Variants in CCNI observed in about 807,000 individuals in gnomAD.
The protein encoded by CCNI is cyclin I.
A neutral mutation model predicts 34.1 loss-of-function variants in CCNI; 14 were observed. That is an observed-to-expected ratio of 0.41 (90% confidence interval 0.27 to 0.64). The LOEUF (loss-of-function observed/expected upper bound fraction) is 0.64, where lower values mean the gene tolerates loss of function less well. Ranked by LOEUF, CCNI falls within the 30% of genes least tolerant of loss-of-function variation. The probability of loss-of-function intolerance (pLI) is 0.31; values close to 1 mark genes in which losing one functional copy is unlikely to be tolerated. For synonymous variants in CCNI, 154 were observed against 158.4 expected (o/e 0.97, Z 0.21); for missense variants, 385 against 440.5 (o/e 0.87, Z 1.13).
In CCNI at chr4:77,055,931, T is replaced by G. The variant is rs1198378345; in HGVS notation, c.459+31A>C. On this transcript the variant is annotated intron_variant, in intron 5 of 6. Coordinates refer to ENST00000237654, the MANE Select transcript of CCNI (RefSeq NM_006835.3). The stretch of plus-strand genomic sequence containing the variant: ...ATTTACTGAAAACTACACACTCAAA[T>G]AAGAAACTAAAAGACTTCAGGTATA... 4.5e-6 allele frequency: 7 copies of G among 1,559,250 alleles called. No homozygotes were observed. The African/African-American group carries it at 9.6e-5, about 21-fold the overall frequency.
intron 6 of CCNI, among the ~76,000 whole-genome samples, chr4:77,050,342 G>A (rs1302361664): frequency 2.0e-5 from 3 of 151,994 alleles, no homozygotes; most frequent in African/African-American, 7.2e-5. Flanking sequence ...CACTCACCAT[G>A]ACTGTTTGCA....
chr4:77,054,483 C>T (rs1330257734), intron 6 of CCNI, among the ~76,000 whole-genome samples: 2 of 152,184 alleles, frequency 1.3e-5, no homozygotes, highest in African/African-American at 2.4e-5. Context: ...ATGAATAGAA[C>T]CAGTAAGCCT....
chr4:77,061,011 G>A (rs1006320966), intron 2 of CCNI, among the ~76,000 whole-genome samples: 1 of 151,914 alleles, frequency 6.6e-6, no homozygotes, highest in Non-Finnish European at 1.5e-5. Context: ...CTCCCACCTC[G>A]GCCTCCCAAA....
At chr4:77,065,523 T>C (rs1316721209) in intron 2 of CCNI, among the ~76,000 whole-genome samples, 2 of 152,224 alleles carry the variant, frequency 1.3e-5, no homozygotes, top group Non-Finnish European at 2.9e-5. Context: ...CTTCCAACAT[T>C]GGTATTACCT....
In CCNI at chr4:77,055,367, G is replaced by T; in HGVS notation, c.473C>A (p.Ala158Glu). Residue 158 changes from alanine to glutamate, a missense_variant, in exon 6 of 7, where the codon GCA (alanine) becomes GAA (glutamate). This residue lies in a region of CCNI where 135 missense variants were observed against 191.8 expected (regional missense o/e 0.70). Transcript: ENST00000237654. Reference sequence around the variant, plus strand: ...AAGTAACTGAGGCCTAGTTGACACTGCAATGGCATGGAACTGAAAATCACA... The same window carrying T: ...AAGTAACTGAGGCCTAGTTGACACTTCAATGGCATGGAACTGAAAATCACA... ...LDFLHIFHAI[A>E]VSTRPQLLFS... 1 of 1,610,158 alleles carries T rather than the reference G, an allele frequency of 6.2e-7. No homozygotes were observed. Among genetic ancestry groups the T allele is most frequent in the Non-Finnish European group, 8.5e-7 (1 of 1,176,520 alleles).
At chr4:77,052,173 G>A (rs538619556) in intron 6 of CCNI, among the ~76,000 whole-genome samples, 2 of 147,596 alleles carry the variant, frequency 1.4e-5, no homozygotes, top group African/African-American at 5.0e-5. Context: ...TTATGTCCGC[G>A]TGTACCCAAC....
chr4:77,055,063 G>T, intron 6 of CCNI, 87 bp downstream of exon 6: 2 of 820,332 alleles, frequency 2.4e-6, no homozygotes, highest in Non-Finnish European at 3.9e-6. Flanking sequence ...ATTACAACAT[G>T]AGAAATGTCT....
In CCNI at chr4:77,055,262, T is replaced by C; in HGVS notation, c.578A>G (p.Gln193Arg). 1.9e-6 allele frequency: 3 copies of C among 1,614,156 alleles called. No homozygotes were observed. Among genetic ancestry groups the C allele is most frequent in the Non-Finnish European group, 2.5e-6 (3 of 1,179,976 alleles). The change falls in exon 6 of 7, where the codon CAA becomes CGA. Residue 193 changes from glutamine (Q) to arginine (R), a missense_variant. By Grantham distance (43) the Gln-to-Arg change is conservative (BLOSUM62 1). Around this residue, in one of 2 missense-constraint regions of CCNI, gnomAD observed 250 missense variants for 248.7 expected, o/e 1.01. Transcript: ENST00000237654. ...KQLLHCMACN[Q>R]LLQFRGSMLA... ...CATGGATCCTCTGAATTGCAGAAGT[T>C]GGTTGCAGGCCATACAGTGAAGTAG... is the stretch of plus-strand genomic sequence containing the variant.
At chr4:77,058,677 C>T (rs776107169) in intron 2 of CCNI, 42 bp from the exon 3 acceptor site, 18 of 1,579,324 alleles carry the variant, frequency 1.1e-5, no homozygotes, top group Admixed American at 1.7e-5. Context: ...AAAGTTTGAG[C>T]TATCATCAAG....
At chr4:77,072,280 CAAAGAA>C (rs909117340) in intron 1 of CCNI, among the ~76,000 whole-genome samples, 4 of 151,678 alleles carry the variant, frequency 2.6e-5, no homozygotes, top group Admixed American at 6.6e-5. Flanking sequence ...AGAAAGCTAA[CAAAGAA>C]AAAGTAAAAC....
Position 77,047,493 on chromosome 4 carries a change from T to C in CCNI, c.*726A>G, listed in dbSNP as rs1727514367. ...TGTTTCTTTGGTGAGCACCTGGATATATTTATCACAAATTCTTTTATACAA... is the reference window on the plus strand; with the variant it reads ...TGTTTCTTTGGTGAGCACCTGGATACATTTATCACAAATTCTTTTATACAA... On this transcript the variant is annotated 3_prime_UTR_variant, in exon 7 of 7. Coordinates refer to ENST00000237654, the MANE Select transcript of CCNI (RefSeq NM_006835.3). 6.6e-6 allele frequency: 1 copy of C among 152,234 alleles called. No individual in the cohort carries two copies. The highest frequency in any genetic ancestry group is 1.5e-5 in the Non-Finnish European group (1 of 68,034). 9.4% of individuals were successfully genotyped at this position (152,234 alleles called of 1,614,324 possible). A position where few individuals can be genotyped will look rare whatever the true frequency, so the allele number is the denominator to read the frequency against.
At position 77,072,699 on chromosome 4, in the gene CCNI, G is replaced by A. The variant is rs1729580501; in HGVS notation, c.-44+2773C>T. Among the ~76,000 whole-genome samples the A allele has an allele frequency of 1.4e-5, 2 of 145,120 alleles. 1 individual carries two copies. The highest frequency in any genetic ancestry group is 4.4e-4 in the South Asian group (2 of 4,558). On this transcript the variant is annotated intron_variant, in intron 1 of 6. Transcript: ENST00000237654. ...AACTGCAATACCTGACCCTCAACTA[G>A]ATCCTGTACTGGAAGGAGACAAATG...
Position 77,075,614 on chromosome 4 carries a change from G to A in CCNI, c.-186C>T. 3 of 976,190 alleles carry A rather than the reference G, an allele frequency of 3.1e-6. No individual in the cohort carries two copies. The highest frequency in any genetic ancestry group is 3.7e-6 in the Non-Finnish European group (3 of 819,822). 60.5% of individuals were successfully genotyped at this position (976,190 alleles called of 1,614,324 possible). On this transcript the variant is annotated 5_prime_UTR_variant, in exon 1 of 7. Transcript: ENST00000237654. ...TGCGCGCGGGACGACTCGGCCAACT[G>A]AGGAGGGAGAAAGGGGAAGCGGATC...
intron 2 of CCNI, among the ~76,000 whole-genome samples, chr4:77,060,191 G>A (rs1728507765): frequency 6.6e-6 from 1 of 151,964 alleles, no homozygotes; most frequent in South Asian, 2.1e-4. Context: ...ACAATTGTAA[G>A]AAGAATCACA....
At chr4:77,071,034 CAA>C (rs1729428743) in intron 1 of CCNI, among the ~76,000 whole-genome samples, 2 of 152,194 alleles carry the variant, frequency 1.3e-5, no homozygotes, top group South Asian at 4.1e-4. Flanking sequence ...CCAGCCTTCA[CAA>C]GCTATCCCAA....
intron 1 of CCNI, among the ~76,000 whole-genome samples, chr4:77,069,122 G>A (rs1474135210): frequency 6.6e-6 from 1 of 152,210 alleles, no homozygotes; most frequent in East Asian, 1.9e-4. Flanking sequence ...CCCCAACTAC[G>A]TTATAAATTC....
rs773566544 is a variant in CCNI at position 77,048,511 on chromosome 4, G to C, written c.842C>G (p.Pro281Arg). ...GAAGTCTGGGCCTGGGACAGAGGAG[G>C]GATGTAATCTGAACACTCCTTTGTC... ...TCDKGVFRLH[P>R]SSVPGPDFSK... is the part of the protein sequence containing the mutation. The change falls in exon 7 of 7, where the codon CCC becomes CGC. Residue 281 changes from proline to arginine, a missense_variant. Physicochemically the swap from Pro to Arg is moderately radical, Grantham distance 103 (BLOSUM62 -2). Coordinates refer to ENST00000237654, the MANE Select transcript of CCNI (RefSeq NM_006835.3). 6.2e-7 allele frequency: 1 copy of C among 1,614,038 alleles called. No homozygotes were observed. The highest frequency in any genetic ancestry group is 8.5e-7 in the Non-Finnish European group (1 of 1,179,972).
At chr4:77,049,233 T>C (rs192296171) in intron 6 of CCNI, among the ~76,000 whole-genome samples, 218 of 152,258 alleles carry the variant, frequency 1.4e-3, no homozygotes, top group Non-Finnish European at 2.8e-3. Flanking sequence ...ATGAAATGTT[T>C]TTGGTAAAGT....
At chr4:77,067,879 A>G (rs989794205) in intron 1 of CCNI, among the ~76,000 whole-genome samples, 4 of 151,384 alleles carry the variant, frequency 2.6e-5, no homozygotes, top group African/African-American at 9.7e-5. Flanking sequence ...AGAAACTGCT[A>G]AAGAATGTGA....
Sources: allele counts gnomAD v4.1 joint callset (sites outside exome capture counted in the v4.1 genomes callset), GRCh38; gene constraint gnomAD v4.1.1; regional missense constraint gnomAD v4.1.1; transcripts MANE v1.5; gene names NCBI Gene and HGNC (gene_info 2026-07-23, HGNC 2026-07-21).